The following CAMK1D variants were observed in gnomAD, a reference collection of about 807,000 sequenced individuals.
CAMK1D encodes calcium/calmodulin dependent protein kinase ID, also known as calcium/calmodulin-dependent protein kinase type 1D.
A neutral mutation model predicts 47.7 loss-of-function variants in CAMK1D; 9 were observed. That is an observed-to-expected ratio of 0.19 (90% CI 0.11 to 0.33). The LOEUF (loss-of-function observed/expected upper bound fraction) is 0.33, where lower values mean the gene tolerates loss of function less well. Among genes scored for constraint, CAMK1D ranks in the 10% least tolerant of loss-of-function variants. CAMK1D has a pLI of 1.00. For synonymous variants in CAMK1D, 184 were observed against 184.9 expected, an observed-to-expected ratio of 0.99 and a Z score of 0.04; for missense variants, 291 against 488.7, an observed-to-expected ratio of 0.60 and a Z score of 3.81.
At position 12,759,120 on chromosome 10, in the gene CAMK1D, G is replaced by A. The variant is rs191419515; in HGVS notation, c.300-1828G>A. Among the ~76,000 whole-genome samples the A allele has an allele frequency of 1.7e-3, 256 of 152,294 alleles. 1 individual carries two copies. The highest frequency in any genetic ancestry group is 5.9e-3 in the African/African-American group (244 of 41,574). ...TCCCAGCACTTTGGGAGGCTAAGGCGGGAGGATCTCTTCAGCCCAGGAGTT... is the reference window on the plus strand; with the variant it reads ...TCCCAGCACTTTGGGAGGCTAAGGCAGGAGGATCTCTTCAGCCCAGGAGTT... On this transcript the variant is annotated intron_variant, in intron 3 of 10. Coordinates refer to ENST00000619168, the MANE Select transcript of CAMK1D (RefSeq NM_153498.4).
At chr10:12,572,252 G>C (rs1295698510) in intron 2 of CAMK1D, among the ~76,000 whole-genome samples, 1 of 152,092 alleles carries the variant, frequency 6.6e-6, no homozygotes, top group Non-Finnish European at 1.5e-5. Flanking sequence ...TCATGGAGGT[G>C]TTTCCCCCAT....
intron 3 of CAMK1D, among the ~76,000 whole-genome samples, chr10:12,747,100 C>T (rs575961409): frequency 2.0e-5 from 3 of 152,054 alleles, no homozygotes; most frequent in Admixed American, 6.6e-5. Flanking sequence ...GGCACGATCT[C>T]GGCTCGCTGC....
At chr10:12,760,920 A>T in intron 3 of CAMK1D, 28 bp from the exon 4 acceptor site, 1 of 1,598,856 alleles carries the variant, frequency 6.3e-7, no homozygotes, top group Middle Eastern at 1.7e-4. Context: ...AGATCCTTTC[A>T]AACTTCTAAT....
At chr10:12,620,186 C>CAAAAAAAAAAAAAAAAAAAAAAAAAAAAA (rs56027797) in intron 2 of CAMK1D, among the ~76,000 whole-genome samples, 48 of 86,582 alleles carry the variant, frequency 5.5e-4, no homozygotes, top group Non-Finnish European at 7.9e-4. Flanking sequence ...GACTCCGTCT[C>CAAAAAAAAAAAAAAAAAAAAAAAAAAAAA]AAAAAAAAAA....
intron 1 of CAMK1D, among the ~76,000 whole-genome samples, chr10:12,430,399 C>G (rs1197788839): frequency 2.0e-5 from 3 of 152,202 alleles, no homozygotes; most frequent in Non-Finnish European, 4.4e-5. Context: ...CCTCCTGTAG[C>G]TGTGAGTTTT....
chr10:12,554,961 T>G (rs1264066826), intron 2 of CAMK1D, among the ~76,000 whole-genome samples: 2 of 152,200 alleles, frequency 1.3e-5, no homozygotes, highest in Non-Finnish European at 2.9e-5. Flanking sequence ...CTCCAAAGGT[T>G]TGGGGGAACA....
At chr10:12,439,894 T>A (rs1832735710) in intron 1 of CAMK1D, among the ~76,000 whole-genome samples, 1 of 152,174 alleles carries the variant, frequency 6.6e-6, no homozygotes, top group East Asian at 1.9e-4. Context: ...ACATCTTACA[T>A]GGCGGCAGGC....
chr10:12,597,214 C>T (rs1302634147), intron 2 of CAMK1D, among the ~76,000 whole-genome samples: 4 of 152,180 alleles, frequency 2.6e-5, no homozygotes, highest in East Asian at 1.9e-4. Flanking sequence ...GAAAACTGCA[C>T]GTGGTCTGTA....
At position 12,578,570 on chromosome 10, in the gene CAMK1D, C is replaced by CA. The variant is rs781669327; in HGVS notation, c.224+25229dup. Among the ~76,000 whole-genome samples the CA allele has an allele frequency of 2.0e-3, 187 of 93,282 alleles. 5 individuals are homozygous for CA. The highest frequency in any genetic ancestry group is 7.5e-3 in the Middle Eastern group (1 of 134). 61.2% of individuals were successfully genotyped at this position (93,282 alleles called of 152,430 possible). On this transcript the variant is annotated intron_variant, in intron 2 of 10. Transcript: ENST00000619168. ...GGGCAACAAGAGCTAAACTCCATCT[C>CA]AAAAAAAAAAAAAAAGTTTTGTAGA...
At chr10:12,728,111 G>C (rs1834738611) in intron 3 of CAMK1D, among the ~76,000 whole-genome samples, 1 of 152,198 alleles carries the variant, frequency 6.6e-6, no homozygotes, top group South Asian at 2.1e-4. Flanking sequence ...AGGCTTCCCT[G>C]TGAGTAAAAC....
chr10:12,534,892 GC>G (rs76761965), intron 1 of CAMK1D, among the ~76,000 whole-genome samples: 37,257 of 151,830 alleles, frequency 0.25, 5,007 homozygotes, highest in South Asian at 0.36. Context: ...TTGTGGGCCA[GC>G]CTGGAAGTGC....
chr10:12,515,024 T>TTA, intron 1 of CAMK1D, among the ~76,000 whole-genome samples: 1 of 151,108 alleles, frequency 6.6e-6, no homozygotes, highest in South Asian at 2.1e-4. Context: ...CTAATTTTTT[T>TTA]TTTTTATTTT....
At chr10:12,791,688 T>C (rs1837985752) in intron 6 of CAMK1D, among the ~76,000 whole-genome samples, 1 of 152,234 alleles carries the variant, frequency 6.6e-6, no homozygotes, top group South Asian at 2.1e-4. Context: ...TATATTCCGT[T>C]GTGTGGATAG....
At chr10:12,680,114 A>G (rs1840941885) in intron 3 of CAMK1D, among the ~76,000 whole-genome samples, 1 of 152,196 alleles carries the variant, frequency 6.6e-6, no homozygotes, top group Non-Finnish European at 1.5e-5. Flanking sequence ...TGGAGTCCCC[A>G]CCATGGGAGA....
At chr10:12,472,504 C>T (rs1050779359) in intron 1 of CAMK1D, among the ~76,000 whole-genome samples, 5 of 151,442 alleles carry the variant, frequency 3.3e-5, no homozygotes, top group African/African-American at 7.3e-5. Flanking sequence ...CTCTTCAGTT[C>T]GGCACTCAAT....
chr10:12,633,776 C>T (rs142641381), intron 2 of CAMK1D, among the ~76,000 whole-genome samples: 43 of 152,214 alleles, frequency 2.8e-4, no homozygotes, highest in African/African-American at 9.4e-4. Flanking sequence ...AGGCTGGTCT[C>T]GAACTCCTGG....
intron 2 of CAMK1D, among the ~76,000 whole-genome samples, chr10:12,568,588 C>G (rs1018554598): frequency 6.9e-6 from 1 of 144,134 alleles, no homozygotes; most frequent in African/African-American, 2.6e-5. Context: ...CCAGAGTCAG[C>G]CTTTTTCTTT....
chr10:12,473,213 G>C (rs1184977254), intron 1 of CAMK1D, among the ~76,000 whole-genome samples: 1 of 152,164 alleles, frequency 6.6e-6, no homozygotes. Context: ...AATCCAGGGG[G>C]AGAAGTTGCA....
At chr10:12,395,282 G>T (rs1051749016) in intron 1 of CAMK1D, among the ~76,000 whole-genome samples, 1 of 151,210 alleles carries the variant, frequency 6.6e-6, no homozygotes, top group Admixed American at 6.6e-5. Context: ...CAAACCCTTG[G>T]CCTCAAGTGA....
Sources: gnomAD v4.1 joint callset for allele counts (sites outside exome capture counted in the v4.1 genomes callset) on GRCh38, gnomAD v4.1.1 for gene constraint, MANE v1.5 for transcripts, NCBI Gene and HGNC (gene_info 2026-07-23, HGNC 2026-07-21) for gene names.